Variants in FAM135A observed in about 807,000 individuals in gnomAD.
The protein encoded by FAM135A is family with sequence similarity 135 member A, also known as protein FAM135A.
A neutral mutation model predicts 146.8 loss-of-function variants in FAM135A; 79 were observed. The observed-to-expected ratio is 0.54, with a 90% CI of 0.45 to 0.65. The LOEUF is 0.65. Ranked by LOEUF, FAM135A falls within the 30% of genes least tolerant of loss-of-function variation. The pLI is 0.00. For missense variants in FAM135A, 1,623 were observed against 1,758.2 expected (o/e 0.92, Z 1.38); for synonymous variants, 562 against 603.6 (o/e 0.93, Z 1.01).
intron 5 of FAM135A, among the ~76,000 whole-genome samples, chr6:70,469,869 A>AT (rs1781238408): frequency 6.6e-6 from 1 of 152,116 alleles, no homozygotes; most frequent in African/African-American, 2.4e-5. Context: ...TCTACAAAAA[A>AT]TAAAAAATAA....
chr6:70,491,331 A>G (rs954028628), intron 11 of FAM135A, among the ~76,000 whole-genome samples: 1 of 151,968 alleles, frequency 6.6e-6, no homozygotes, highest in Non-Finnish European at 1.5e-5. Context: ...TTAACTGATC[A>G]AACAGTACAT....
intron 20 of FAM135A, among the ~76,000 whole-genome samples, chr6:70,541,467 G>A (rs995959857): frequency 1.3e-5 from 2 of 151,818 alleles, no homozygotes; most frequent in Non-Finnish European, 2.9e-5. Context: ...CATTTTTGTG[G>A]GATCCACCTC....
In FAM135A at chr6:70,543,183, A is replaced by T. The variant is rs1798245952; in HGVS notation, c.4228+4782A>T. Among the ~76,000 whole-genome samples, 4 of 152,236 alleles carry T rather than the reference A, an allele frequency of 2.6e-5. No individual in the cohort carries two copies. The South Asian group carries it at 8.3e-4, about 31-fold the overall frequency. On this transcript the variant is annotated intron_variant, in intron 20 of 21. Transcript: ENST00000418814. ...ATATTATATAGTAAGATGTAAATCTAGCCCATATATTCAGCGACTGGTAGT... is the reference window on the plus strand; with the variant it reads ...ATATTATATAGTAAGATGTAAATCTTGCCCATATATTCAGCGACTGGTAGT...
At chr6:70,445,672 T>G (rs967153737) in intron 4 of FAM135A, among the ~76,000 whole-genome samples, 1 of 152,166 alleles carries the variant, frequency 6.6e-6, no homozygotes, top group African/African-American at 2.4e-5. Context: ...TTGTTTGTGG[T>G]TTAAGAACGC....
chr6:70,439,972 TTAAA>T (rs1774085840), intron 4 of FAM135A, among the ~76,000 whole-genome samples: 1 of 152,348 alleles, frequency 6.6e-6, no homozygotes, highest in African/African-American at 2.4e-5. Context: ...ATTATTGTAC[TTAAA>T]TAAATGTTTA....
rs764108817 is a variant in FAM135A, at chr6:70,524,032, C to G, written c.1169C>G (p.Pro390Arg). The change falls in exon 14 of 22, where the codon CCC (proline) becomes CGC (arginine). Residue 390 changes from proline (P) to arginine (R), a missense_variant. Pro to Arg is a moderately radical substitution (Grantham distance 103, BLOSUM62 -2). This residue lies in a region of FAM135A where 1,061 missense variants were observed against 1,113.8 expected (regional missense o/e 0.95). Coordinates refer to ENST00000418814, the MANE Select transcript of FAM135A (RefSeq NM_001162529.3). Reference sequence around the variant, plus strand: ...ACTTCCTTCTGCAGTTCTCTTCCACCCTTACCTATTGAATGTAGTGAATTA... The same window carrying G: ...ACTTCCTTCTGCAGTTCTCTTCCACGCTTACCTATTGAATGTAGTGAATTA... ...KNTSFCSSLP[P>R]LPIECSELDG... The G allele has an allele frequency of 6.2e-7, 1 of 1,613,122 alleles. No homozygotes were observed. The highest frequency in any genetic ancestry group is 1.7e-5 in the Admixed American group (1 of 59,910).
At position 70,524,881 on chromosome 6, in the gene FAM135A, T is replaced by C. The variant is rs1220791288; in HGVS notation, c.1797T>C (p.Asp599=). The change falls in exon 15 of 22, where the codon GAT becomes GAC. Residue 599 remains aspartate, a synonymous_variant. Coordinates refer to ENST00000418814, the MANE Select transcript of FAM135A (RefSeq NM_001162529.3). ...DIENVQPDQF[D]PLNSGNLNLC... ...AAAATGTTCAACCAGACCAGTTTGA[T>C]CCTTTGAACTCTGGCAACCTAAATC... is the stretch of plus-strand genomic sequence containing the variant. The C allele has an allele frequency of 1.2e-6, 2 of 1,612,614 alleles. No individual in the cohort carries two copies. The highest frequency in any genetic ancestry group is 1.7e-6 in the Non-Finnish European group (2 of 1,179,242).
intron 20 of FAM135A, among the ~76,000 whole-genome samples, chr6:70,551,146 CTCA>C (rs1022504031): frequency 5.9e-5 from 9 of 152,194 alleles, no homozygotes; most frequent in Non-Finnish European, 1.0e-4. Flanking sequence ...GTTTTGGTGT[CTCA>C]TCATTTGTGT....
At chr6:70,491,447 T>C (rs985123972) in intron 11 of FAM135A, among the ~76,000 whole-genome samples, 3 of 151,948 alleles carry the variant, frequency 2.0e-5, no homozygotes, top group Admixed American at 2.0e-4. Context: ...TTTCAGTAGA[T>C]CAATTTGCTT....
chr6:70,550,790 G>A (rs913843121), intron 20 of FAM135A, among the ~76,000 whole-genome samples: 3 of 152,176 alleles, frequency 2.0e-5, no homozygotes, highest in African/African-American at 4.8e-5. Context: ...TGAAGTCATG[G>A]ATGGCATCTT....
At chr6:70,558,683 G>T (rs1215270254) in intron 21 of FAM135A, among the ~76,000 whole-genome samples, 1 of 152,092 alleles carries the variant, frequency 6.6e-6, no homozygotes, top group Non-Finnish European at 1.5e-5. Flanking sequence ...TAAAATGGTG[G>T]TGCACGCCTG....
At chr6:70,510,669 G>GAT (rs1389830226) in intron 12 of FAM135A, among the ~76,000 whole-genome samples, 1 of 152,012 alleles carries the variant, frequency 6.6e-6, no homozygotes, top group Non-Finnish European at 1.5e-5. Flanking sequence ...GTTTGTCATT[G>GAT]ATAGACATTT....
chr6:70,505,547 A>G (rs141761467), intron 12 of FAM135A, among the ~76,000 whole-genome samples: 217 of 151,932 alleles, frequency 1.4e-3, no homozygotes, highest in African/African-American at 4.9e-3. Flanking sequence ...TTTTTTTTCA[A>G]TCAGTTTTGG....
At chr6:70,463,078 T>C (rs1779715958) in intron 5 of FAM135A, among the ~76,000 whole-genome samples, 1 of 152,204 alleles carries the variant, frequency 6.6e-6, no homozygotes, top group African/African-American at 2.4e-5. Flanking sequence ...TCGAATTTTG[T>C]TTCCCACCAT....
intron 11 of FAM135A, among the ~76,000 whole-genome samples, chr6:70,501,609 A>G (rs9455133): frequency 0.43 from 65,139 of 152,076 alleles, 15,168 homozygotes; most frequent in African/African-American, 0.6. Context: ...TTGTAACCCA[A>G]GGTCCTGGTG....
At chr6:70,450,713 G>GTTGTTTT (rs1776836899) in intron 4 of FAM135A, among the ~76,000 whole-genome samples, 2 of 29,842 alleles carry the variant, frequency 6.7e-5, no homozygotes, top group East Asian at 1.6e-3. Flanking sequence ...GACCCTTTTA[G>GTTGTTTT]TTGTTTTTTT....
At chr6:70,457,008 G>A (rs1778505206) in intron 5 of FAM135A, among the ~76,000 whole-genome samples, 3 of 152,126 alleles carry the variant, frequency 2.0e-5, no homozygotes. Flanking sequence ...TCATTGCAGT[G>A]ATCTAAAGTC....
chr6:70,467,945 A>ATT (rs1780798534), intron 5 of FAM135A, among the ~76,000 whole-genome samples: 1 of 151,974 alleles, frequency 6.6e-6, no homozygotes, highest in African/African-American at 2.4e-5. Flanking sequence ...TCCTTCTGAT[A>ATT]TTTGATAGGC....
rs1332788953 is a variant in FAM135A, at chr6:70,524,902, A to G, written c.1818A>G (p.Leu606=). The G allele has an allele frequency of 6.2e-7, 1 of 1,612,778 alleles. No individual in the cohort carries two copies. Among genetic ancestry groups the G allele is most frequent in the Non-Finnish European group, 8.5e-7 (1 of 1,179,522 alleles). ...TTGATCCTTTGAACTCTGGCAACCT[A>G]AATCTTTGTGCAAATTTGTCCATTT... is the stretch of plus-strand genomic sequence containing the variant. ...DQFDPLNSGN[L]NLCANLSISG... Residue 606 remains leucine (L), a synonymous_variant, in exon 15 of 22, where the codon CTA becomes CTG. Transcript: ENST00000418814.
Sources: allele counts gnomAD v4.1 joint callset (sites outside exome capture counted in the v4.1 genomes callset), GRCh38; gene constraint gnomAD v4.1.1; regional missense constraint gnomAD v4.1.1; transcripts MANE v1.5; gene names NCBI Gene and HGNC (gene_info 2026-07-23, HGNC 2026-07-21).